Variants in YTHDC1 observed in about 807,000 individuals in gnomAD.
YTHDC1 encodes the protein YTH domain-containing protein 1.
In YTHDC1, 12 loss-of-function variants were observed where a neutral mutation model predicts 107.0. That is an observed-to-expected ratio of 0.11 (90% confidence interval 0.07 to 0.18). YTHDC1 has a LOEUF of 0.18. Among genes scored for constraint, YTHDC1 ranks in the 10% least tolerant of loss-of-function variants. The probability of loss-of-function intolerance (pLI) is 1.00; values close to 1 mark genes in which losing one functional copy is unlikely to be tolerated. For missense variants in YTHDC1, 635 were observed against 898.8 expected, an observed-to-expected ratio of 0.71 and a Z score of 3.75; for synonymous variants, 280 against 289.5, an observed-to-expected ratio of 0.97 and a Z score of 0.33.
chr4:68,333,442 G>A (rs574114109), intron 4 of YTHDC1, 45 bp from the exon 5 acceptor site: 58 of 1,370,940 alleles, frequency 4.2e-5, no homozygotes, highest in South Asian at 3.7e-4. Flanking sequence ...ATACAGAAAC[G>A]AAGAGAAGTA....
At chr4:68,316,154 T>C (rs1367490137) in intron 16 of YTHDC1, 160 bp downstream of exon 16, 7 of 813,836 alleles carry the variant, frequency 8.6e-6, no homozygotes, top group Non-Finnish European at 1.3e-5. Flanking sequence ...CAAAGGGGCA[T>C]AATCAGGCAT....
intron 10 of YTHDC1, 96 bp downstream of exon 10, chr4:68,324,043 C>CT: frequency 8.9e-7 from 1 of 1,118,732 alleles, no homozygotes; most frequent in East Asian, 2.4e-5. Flanking sequence ...CACGTGGTCT[C>CT]TTTCATCAGA....
At chr4:68,344,309 A>T (rs539828812) in intron 1 of YTHDC1, among the ~76,000 whole-genome samples, 5 of 123,246 alleles carry the variant, frequency 4.1e-5, no homozygotes, top group Non-Finnish European at 6.8e-5. Flanking sequence ...CAACCCCTGC[A>T]TAACACTGAT....
At position 68,320,241 on chromosome 4, in the gene YTHDC1, A is replaced by C. The variant is rs760781369; in HGVS notation, c.1602-36T>G. ...TAGACACATTAGAAATTAAACCAAA[A>C]ACTGCTGGGAGAACAAAGAGTAAAG... On this transcript the variant is annotated intron_variant, in intron 11 of 16. Coordinates refer to ENST00000344157, the MANE Select transcript of YTHDC1 (RefSeq NM_001031732.4). 5 of 1,485,828 alleles carry C rather than the reference A, an allele frequency of 3.4e-6. No individual in the cohort carries two copies. The South Asian group carries it at 6.0e-5, about 18-fold the overall frequency. 92.0% of individuals were successfully genotyped at this position (1,485,828 alleles called of 1,614,324 possible). A position where few individuals can be genotyped will look rare whatever the true frequency, so the allele number is the denominator to read the frequency against.
At chr4:68,341,095 TCA>T (rs1184765719) in intron 1 of YTHDC1, among the ~76,000 whole-genome samples, 1 of 152,136 alleles carries the variant, frequency 6.6e-6, no homozygotes, top group African/African-American at 2.4e-5. Flanking sequence ...TATATACAAA[TCA>T]TATAAAATAG....
chr4:68,333,376 T>C lies in YTHDC1; in HGVS notation c.905A>G (p.Lys302Arg). The C allele has an allele frequency of 1.2e-6, 2 of 1,609,456 alleles. No individual in the cohort carries two copies. The highest frequency in any genetic ancestry group is 1.1e-5 in the South Asian group (1 of 89,764). Residue 302 changes from lysine to arginine, a missense_variant, in exon 5 of 17, where the codon AAG becomes AGG. By Grantham distance (26) the Lys-to-Arg change is conservative. Coordinates refer to ENST00000344157, the MANE Select transcript of YTHDC1 (RefSeq NM_001031732.4). The stretch of plus-strand genomic sequence containing the variant: ...AATTGGAGATATGCCTCTAGCTCTC[T>C]TCCTTTCCTTCTTTTTCTCATCTAA... ...DGSDEKKKER[K>R]RARGISPIVF...
rs1215582947 is a variant in YTHDC1 at position 68,337,723 on chromosome 4, G to A, written c.308C>T (p.Ser103Phe). Residue 103 changes from serine to phenylalanine, a missense_variant, in exon 3 of 17, where the codon TCT becomes TTT. By Grantham distance (155) the Ser-to-Phe change is radical. This residue lies in a region of YTHDC1 where 294 missense variants were observed against 312.3 expected (regional missense o/e 0.94). Transcript: ENST00000344157. ...TEYKNEEYQRSERNKRLDADR... is the reference protein window; with the variant it reads ...TEYKNEEYQRFERNKRLDADR... ...AGCATCTAGACGCTTGTTTCTTTCA[G>A]ATCTTTGATATTCCTCATTTTTATA... 2.5e-6 allele frequency: 4 copies of A among 1,613,928 alleles called. No homozygotes were observed. In the African/African-American group the frequency reaches 4.0e-5, roughly 16 times the overall value.
chr4:68,337,774 C>G lies in YTHDC1; in HGVS notation c.257G>C (p.Ser86Thr). Residue 86 changes from serine (S) to threonine (T), a missense_variant, in exon 3 of 17, where the codon AGT becomes ACT. By Grantham distance (58) the Ser-to-Thr change is moderately conservative. Coordinates refer to ENST00000344157, the MANE Select transcript of YTHDC1 (RefSeq NM_001031732.4). ...SSVSNNKRIV[S>T]TKGKSATEYK... ...CTCTGTGGCTGACTTTCCTTTTGTACTAACTATTCTTTTGTTATTGCTAAC... is the reference window on the plus strand; with the variant it reads ...CTCTGTGGCTGACTTTCCTTTTGTAGTAACTATTCTTTTGTTATTGCTAAC... The G allele has an allele frequency of 6.2e-7, 1 of 1,614,088 alleles. No individual in the cohort carries two copies. The highest frequency in any genetic ancestry group is 8.5e-7 in the Non-Finnish European group (1 of 1,180,018).
intron 1 of YTHDC1, among the ~76,000 whole-genome samples, chr4:68,346,685 A>C (rs1282071384): frequency 6.6e-6 from 1 of 152,192 alleles, no homozygotes; most frequent in Non-Finnish European, 1.5e-5. Flanking sequence ...AACTGTCCAC[A>C]TATGGCAGTG....
rs755190686 is a variant in YTHDC1, at chr4:68,337,555, G to T, written c.459+17C>A. ...AAGAATGGCTTTCTGTTTTATATCTGCAATAATATTTACTACCTCAGAACC... is the reference window on the plus strand; with the variant it reads ...AAGAATGGCTTTCTGTTTTATATCTTCAATAATATTTACTACCTCAGAACC... On this transcript the variant is annotated intron_variant, in intron 3 of 16. Coordinates refer to ENST00000344157, the MANE Select transcript of YTHDC1 (RefSeq NM_001031732.4). 1.3e-6 allele frequency: 2 copies of T among 1,589,266 alleles called. No individual in the cohort carries two copies. The highest frequency in any genetic ancestry group is 2.3e-5 in the South Asian group (2 of 86,498).
chr4:68,340,066 G>A (rs1293731739), intron 1 of YTHDC1, among the ~76,000 whole-genome samples: 1 of 151,994 alleles, frequency 6.6e-6, no homozygotes, highest in Non-Finnish European at 1.5e-5. Context: ...AAACTGATGA[G>A]ACAGAACAAT....
At chr4:68,318,383 C>T (rs527559349) in intron 15 of YTHDC1, 136 bp downstream of exon 15, 1 of 808,548 alleles carries the variant, frequency 1.2e-6, no homozygotes, top group African/African-American at 1.7e-5. Context: ...GCTGGGACTG[C>T]AGGTGTGAGC....
Position 68,346,537 on chromosome 4 carries a change from G to A in YTHDC1, c.28+3189C>T, listed in dbSNP as rs1255163947. Among the ~76,000 whole-genome samples, 4 of 152,260 alleles carry A rather than the reference G, an allele frequency of 2.6e-5. No individual in the cohort carries two copies. In the East Asian group the frequency reaches 5.8e-4, roughly 22 times the overall value. On this transcript the variant is annotated intron_variant, in intron 1 of 16. Coordinates refer to ENST00000344157, the MANE Select transcript of YTHDC1 (RefSeq NM_001031732.4). ...ATAATTCATAAGTTTTAAATTGTGC[G>A]CTAAGTAGTGTGATGAAATTACGCA...
rs1375320440 is a variant in YTHDC1 at position 68,311,565 on chromosome 4, AC to A, written c.*2533del. 2 of 152,238 alleles carry A rather than the reference AC, an allele frequency of 1.3e-5. No individual in the cohort carries two copies. The highest frequency in any genetic ancestry group is 2.9e-5 in the Non-Finnish European group (2 of 68,040). 9.4% of individuals were successfully genotyped at this position (152,238 alleles called of 1,614,324 possible). A position where few individuals can be genotyped will look rare whatever the true frequency, so the allele number is the denominator to read the frequency against. The stretch of plus-strand genomic sequence containing the variant: ...GTCATGTGTACGAATATTAAATAAA[AC>A]ATACTGATTTTTATATACTGACTCT... On this transcript the variant is annotated 3_prime_UTR_variant, in exon 17 of 17. Transcript: ENST00000344157.
At chr4:68,333,853 C>T (rs983955467) in intron 4 of YTHDC1, among the ~76,000 whole-genome samples, 3 of 152,102 alleles carry the variant, frequency 2.0e-5, no homozygotes, top group African/African-American at 4.8e-5. Flanking sequence ...AACCCCTGAA[C>T]CCAAAGCTTT....
In YTHDC1 at chr4:68,313,401, C is replaced by G. The variant is rs1046898453; in HGVS notation, c.*698G>C. The G allele has an allele frequency of 2.0e-5, 3 of 152,564 alleles. No homozygotes were observed. Among genetic ancestry groups the G allele is most frequent in the Non-Finnish European group, 4.4e-5 (3 of 68,042 alleles). The allele number at this position is 152,564 out of a possible 1,614,324, so 9.5% of individuals were successfully genotyped here. A position where few individuals can be genotyped will look rare whatever the true frequency, so the allele number is the denominator to read the frequency against. On this transcript the variant is annotated 3_prime_UTR_variant, in exon 17 of 17. Coordinates refer to ENST00000344157, the MANE Select transcript of YTHDC1 (RefSeq NM_001031732.4). ...GAATCGTCTTCCGCTGCCACGCACG[C>G]AAGTTGTGAACATTCCAAGCCAATG...
chr4:68,346,360 T>A (rs970901437), intron 1 of YTHDC1, among the ~76,000 whole-genome samples: 11 of 152,090 alleles, frequency 7.2e-5, no homozygotes, highest in Non-Finnish European at 4.4e-5. Context: ...TCCACTGCAC[T>A]CCAGCCTAGG....
chr4:68,336,315 T>A (rs1392061757), intron 4 of YTHDC1, among the ~76,000 whole-genome samples: 1 of 152,096 alleles, frequency 6.6e-6, no homozygotes, highest in Non-Finnish European at 1.5e-5. Flanking sequence ...CTCTCCTTGC[T>A]GTACCCTCCC....
intron 15 of YTHDC1, among the ~76,000 whole-genome samples, chr4:68,318,227 T>C (rs540837004): frequency 1.8e-4 from 27 of 152,236 alleles, no homozygotes; most frequent in African/African-American, 6.5e-4. Flanking sequence ...CCTCCCCGAG[T>C]AGCTGGGAGT....
Sources: allele counts gnomAD v4.1 joint callset (sites outside exome capture counted in the v4.1 genomes callset), GRCh38; gene constraint gnomAD v4.1.1; regional missense constraint gnomAD v4.1.1; transcripts MANE v1.5; gene names NCBI Gene and HGNC (gene_info 2026-07-23, HGNC 2026-07-21).